The following SYNE1 variants were observed in gnomAD, a reference collection of about 807,000 sequenced individuals.
The protein encoded by SYNE1 is spectrin repeat containing nuclear envelope protein 1, also known as nesprin-1.
Under a neutral mutation model 1,111.0 loss-of-function variants are expected in SYNE1, and 616 were observed. The observed-to-expected ratio is 0.55, with a 90% CI of 0.52 to 0.59. The LOEUF (loss-of-function observed/expected upper bound fraction) is 0.59. Among genes scored for constraint, SYNE1 ranks in the 20% least tolerant of loss-of-function variants. SYNE1 has a pLI of 0.00. For synonymous variants in SYNE1, 3,855 were observed against 3,825.8 expected (o/e 1.01, Z -0.28); for missense variants, 10,006 against 10,417.0 (o/e 0.96, Z 1.72).
rs750848058 is a variant in SYNE1, at chr6:152,225,714, A to G, written c.21351+7T>C. 1 of 1,614,104 alleles carries G rather than the reference A, an allele frequency of 6.2e-7. No homozygotes were observed. Among genetic ancestry groups the G allele is most frequent in the South Asian group, 1.1e-5 (1 of 91,082 alleles). On this transcript the variant is annotated splice_region_variant and intron_variant, in intron 116 of 145. Coordinates refer to ENST00000367255, the MANE Select transcript of SYNE1 (RefSeq NM_182961.4). ...TCCTGGAGCTGGCTTTCTGTGAGCA[A>G]TATTACCATGTGATCTAAATTTGCC...
chr6:152,607,152 T>C (rs2099617990), intron 3 of SYNE1, among the ~76,000 whole-genome samples: 1 of 150,114 alleles, frequency 6.7e-6, no homozygotes, highest in Non-Finnish European at 1.5e-5. Flanking sequence ...GCCTGGCTAA[T>C]TTTTTGTATT....
chr6:152,255,869 A>C, intron 102 of SYNE1, 123 bp from the exon 103 acceptor site: 1 of 1,129,864 alleles, frequency 8.9e-7, no homozygotes, highest in East Asian at 2.4e-5. Flanking sequence ...AGCCCAAAGC[A>C]GACAGATCAC....
In SYNE1 at chr6:152,284,072, G is replaced by A. The variant is rs752183118; in HGVS notation, c.18113C>T (p.Ala6038Val). 21 of 1,614,020 alleles carry A rather than the reference G, an allele frequency of 1.3e-5. No individual in the cohort carries two copies. The highest frequency in any genetic ancestry group is 2.2e-5 in the East Asian group (1 of 44,890). Residue 6038 changes from alanine (A) to valine (V), a missense_variant, in exon 96 of 146, where the codon GCG becomes GTG. By Grantham distance (64) the Ala-to-Val change is moderately conservative. Coordinates refer to ENST00000367255, the MANE Select transcript of SYNE1 (RefSeq NM_182961.4). Reference sequence around the variant, plus strand: ...CGTGGACTGCAAGGCCAGCTGCTCCGCAGGGTCGGCCTCACAAGACTCGGA... The same window carrying A: ...CGTGGACTGCAAGGCCAGCTGCTCCACAGGGTCGGCCTCACAAGACTCGGA... ...LVSESCEADP[A>V]EQLALQSTLT...
chr6:152,425,188 TG>T (rs1049212879), intron 39 of SYNE1, among the ~76,000 whole-genome samples, 192 bp downstream of exon 39: 3 of 152,252 alleles, frequency 2.0e-5, no homozygotes, highest in African/African-American at 7.2e-5. Flanking sequence ...GACTAAATTT[TG>T]TATTGGGATT....
intron 98 of SYNE1, 37 bp downstream of exon 98, chr6:152,278,052 C>T: frequency 1.2e-6 from 2 of 1,612,152 alleles, no homozygotes; most frequent in Non-Finnish European, 1.7e-6. Context: ...AACAGTGTGC[C>T]AACTTTCAGC....
chr6:152,391,366 A>G lies in SYNE1; in HGVS notation c.7915T>C (p.Trp2639Arg), dbSNP rs1271377402. 7 of 1,614,104 alleles carry G rather than the reference A, an allele frequency of 4.3e-6. No individual in the cohort carries two copies. The East Asian group carries it at 1.6e-4, about 36-fold the overall frequency. ...AGTCTGTCCTGAATGGCCTTCACCC[A>G]GAACCACATGCTTTGCAGTGCTTCC... is the stretch of plus-strand genomic sequence containing the variant. ...LEEALQSMWF[W>R]VKAIQDRLAC... Residue 2639 changes from tryptophan to arginine, a missense_variant, in exon 52 of 146, where the codon TGG becomes CGG. Around this residue, in one of 7 missense-constraint regions of SYNE1, gnomAD observed 4,955 missense variants for 5,017.2 expected, o/e 0.99. Coordinates refer to ENST00000367255, the MANE Select transcript of SYNE1 (RefSeq NM_182961.4).
At chr6:152,606,046 A>G (rs1316649790) in intron 3 of SYNE1, among the ~76,000 whole-genome samples, 1 of 152,170 alleles carries the variant, frequency 6.6e-6, no homozygotes, top group Non-Finnish European at 1.5e-5. Context: ...TGTTAACATT[A>G]CAAATCTGTG....
intron 127 of SYNE1, among the ~76,000 whole-genome samples, chr6:152,198,602 G>A (rs1245112849): frequency 6.6e-6 from 1 of 152,158 alleles, no homozygotes; most frequent in African/African-American, 2.4e-5. Context: ...TGAGAGACAT[G>A]AGATTTTTTT....
intron 105 of SYNE1, among the ~76,000 whole-genome samples, chr6:152,247,145 T>A (rs2087421045): frequency 6.6e-6 from 1 of 152,106 alleles, no homozygotes; most frequent in Admixed American, 6.5e-5. Context: ...AGAAGACAAC[T>A]GTGCACCAGG....
chr6:152,215,492 C>T (rs116695573), intron 121 of SYNE1, among the ~76,000 whole-genome samples: 13 of 151,916 alleles, frequency 8.6e-5, no homozygotes, highest in African/African-American at 3.1e-4. Context: ...ATATTATTTA[C>T]TTGATTTATT....
intron 51 of SYNE1, 98 bp from the exon 52 acceptor site, chr6:152,391,666 C>G: frequency 7.3e-7 from 1 of 1,371,946 alleles, no homozygotes; most frequent in South Asian, 1.4e-5. Context: ...GAGCAGTAAC[C>G]AGACACAGGC....
rs373585921 is a variant in SYNE1 at position 152,167,787 on chromosome 6, T to A, written c.23628-3462A>T. The A allele has an allele frequency of 8.7e-6, 5 of 572,716 alleles. No homozygotes were observed. The African/African-American group carries it at 9.3e-5, about 11-fold the overall frequency. 35.5% of individuals were successfully genotyped at this position (572,716 alleles called of 1,614,324 possible). ...GCAGATGATGGACTAACTGAGTCTT[T>A]TTCTGGATCGCTTTCCTGTGTCTCA... On this transcript the variant is annotated intron_variant, in intron 130 of 145. Transcript: ENST00000367255.
intron 107 of SYNE1, among the ~76,000 whole-genome samples, chr6:152,241,781 G>C (rs1034482020): frequency 2.6e-5 from 4 of 152,154 alleles, no homozygotes; most frequent in Admixed American, 2.0e-4. Flanking sequence ...CTAGAGGAGA[G>C]CAAGGAGTGA....
chr6:152,560,353 G>A (rs999664162), intron 3 of SYNE1, among the ~76,000 whole-genome samples: 6 of 151,984 alleles, frequency 3.9e-5, no homozygotes, highest in Admixed American at 6.6e-5. Flanking sequence ...GTGACAGAGC[G>A]AGACTCCATC....
chr6:152,467,972 C>A (rs1403944895), intron 16 of SYNE1, among the ~76,000 whole-genome samples: 1 of 152,026 alleles, frequency 6.6e-6, no homozygotes, highest in East Asian at 1.9e-4. Context: ...AATACAAATG[C>A]ATGTTTAAAA....
At chr6:152,483,317 A>C in intron 13 of SYNE1, 68 bp from the exon 14 acceptor site, 1 of 1,316,538 alleles carries the variant, frequency 7.6e-7, no homozygotes, top group Admixed American at 1.7e-5. Context: ...ATTGCACCCA[A>C]ATAATAGTAA....
In SYNE1 at chr6:152,404,234, T is replaced by G. The variant is rs202247647; in HGVS notation, c.6804A>C (p.Leu2268=). The G allele has an allele frequency of 7.4e-6, 12 of 1,613,176 alleles. No individual in the cohort carries two copies. Among genetic ancestry groups the G allele is most frequent in the Non-Finnish European group, 1.0e-5 (12 of 1,179,684 alleles). The change falls in exon 46 of 146, where the codon CTA becomes CTC. Residue 2268 remains leucine, a synonymous_variant. Transcript: ENST00000367255. The part of the protein sequence containing the change: ...VNDLKELTKN[L]ETPPDLQFIE... ...TTACCTGAAGGTCTGGCGGTGTTTCTAGATTTTTAGTTAATTCTTTCAGAT... is the reference window on the plus strand; with the variant it reads ...TTACCTGAAGGTCTGGCGGTGTTTCGAGATTTTTAGTTAATTCTTTCAGAT...
intron 51 of SYNE1, among the ~76,000 whole-genome samples, chr6:152,391,853 A>G (rs1307472122): frequency 2.0e-5 from 3 of 152,170 alleles, no homozygotes; most frequent in African/African-American, 7.2e-5. Context: ...ATTTCCAGAA[A>G]TTTAATTCAG....
At chr6:152,597,207 T>G (rs2099584450) in intron 3 of SYNE1, among the ~76,000 whole-genome samples, 1 of 152,238 alleles carries the variant, frequency 6.6e-6, no homozygotes, top group Non-Finnish European at 1.5e-5. Flanking sequence ...GAGAAATTTA[T>G]TTTTAAACAT....
Sources: gnomAD v4.1 joint callset for allele counts (sites outside exome capture counted in the v4.1 genomes callset) on GRCh38, gnomAD v4.1.1 for gene constraint, gnomAD v4.1.1 regional missense constraint, MANE v1.5 for transcripts, NCBI Gene and HGNC (gene_info 2026-07-23, HGNC 2026-07-21) for gene names.